The following MTRR variants were observed in gnomAD, a reference collection of about 807,000 sequenced individuals.
MTRR encodes 5-methyltetrahydrofolate-homocysteine methyltransferase reductase, also known as methionine synthase reductase.
Under a neutral mutation model 79.2 loss-of-function variants are expected in MTRR, and 63 were observed. The observed-to-expected ratio is 0.80, with a 90% CI of 0.65 to 0.98. MTRR has a LOEUF of 0.98. Ranked by LOEUF, MTRR falls within the 50% of genes least tolerant of loss-of-function variation. The pLI is 0.00. For missense variants in MTRR, 895 were observed against 839.6 expected (o/e 1.07, Z -0.82); for synonymous variants, 355 against 313.3 (o/e 1.13, Z -1.41).
intron 11 of MTRR, 68 bp downstream of exon 11, chr5:7,892,981 GT>G: frequency 6.7e-7 from 1 of 1,502,012 alleles, no homozygotes; most frequent in Non-Finnish European, 9.1e-7. Context: ...AAAAAACAGT[GT>G]TGTCTCACCC....
At chr5:7,889,794 A>C (rs1737241365) in intron 9 of MTRR, among the ~76,000 whole-genome samples, 1 of 152,206 alleles carries the variant, frequency 6.6e-6, no homozygotes, top group Non-Finnish European at 1.5e-5. Context: ...CTTCAAGAGC[A>C]AAAGGGGACT....
At chr5:7,854,382 G>A (rs1383976628) in intron 1 of MTRR, among the ~76,000 whole-genome samples, 1 of 151,630 alleles carries the variant, frequency 6.6e-6, no homozygotes, top group Non-Finnish European at 1.5e-5. Flanking sequence ...TTATATGGGA[G>A]TTTATTAAGG....
At chr5:7,898,926 A>G (rs745959857) in intron 14 of MTRR, among the ~76,000 whole-genome samples, 21 of 152,174 alleles carry the variant, frequency 1.4e-4, no homozygotes, top group Non-Finnish European at 2.8e-4. Context: ...AAGAGATTTA[A>G]TGGGCTCACG....
chr5:7,854,765 C>T (rs561335209), intron 1 of MTRR, among the ~76,000 whole-genome samples: 63 of 152,272 alleles, frequency 4.1e-4, no homozygotes, highest in Admixed American at 5.9e-4. Context: ...GTCCTACAAT[C>T]GGCCACCTGC....
At chr5:7,888,782 A>G (rs1429599840) in intron 8 of MTRR, among the ~76,000 whole-genome samples, 1 of 152,252 alleles carries the variant, frequency 6.6e-6, no homozygotes, top group Non-Finnish European at 1.5e-5. Flanking sequence ...CCTGTAATTA[A>G]TAACTTGTAA....
At chr5:7,859,490 T>G in intron 1 of MTRR, 2 of 1,607,318 alleles carry the variant, frequency 1.2e-6, no homozygotes, top group East Asian at 4.5e-5. Context: ...TTGTAAATAT[T>G]CCACCAATTC....
At chr5:7,899,872 A>T in intron 14 of MTRR, 42 bp from the exon 15 acceptor site, 8 of 1,613,214 alleles carry the variant, frequency 5.0e-6, no homozygotes, top group Non-Finnish European at 6.8e-6. Context: ...TTTACTAAAA[A>T]TGCCTGTTTG....
In MTRR at chr5:7,870,873, G is replaced by C. The variant is rs2126644968; in HGVS notation, c.79G>C (p.Val27Leu). Residue 27 changes from valine to leucine, a missense_variant, in exon 2 of 15, where the codon GTG becomes CTG. By Grantham distance (32) the Val-to-Leu change is conservative. Transcript: ENST00000440940. ...AIAEEICEQA[V>L]VHGFSADLHC... ...CGCAGAAGAAATATGTGAGCAAGCT[G>C]TGGTACATGGATTTTCTGCAGATCT... 1 of 1,614,178 alleles carries C rather than the reference G, an allele frequency of 6.2e-7. No homozygotes were observed.
chr5:7,880,959 G>A (rs1348768662), intron 5 of MTRR, among the ~76,000 whole-genome samples: 1 of 152,160 alleles, frequency 6.6e-6, no homozygotes. Context: ...GAGAAGGACT[G>A]CAGAAGCCAT....
upstream of MTRR, chr5:7,869,030 G>C (rs1357229679): frequency 7.2e-7 from 1 of 1,382,696 alleles, no homozygotes; most frequent in South Asian, 1.2e-5. Context: ...CCTGGGCGTC[G>C]TGGGCCTCCG....
In MTRR at chr5:7,891,097, A is replaced by G. The variant is rs56219526; in HGVS notation, c.1328-275A>G. Among the ~76,000 whole-genome samples, 27,698 of 152,012 alleles carry G rather than the reference A, an allele frequency of 0.18. 3,542 individuals are homozygous for G. Among genetic ancestry groups the G allele is most frequent in the African/African-American group, 0.33 (13,775 of 41,404 alleles). ...GAAGCCAACTTATGGACCCATTCCT[A>G]GAAGCCTTTGCTTTTAAAATTCGCC... On this transcript the variant is annotated intron_variant, in intron 9 of 14. Transcript: ENST00000440940.
rs796761493 is a variant in MTRR at position 7,885,611 on chromosome 5, A to G, written c.904-90A>G. The G allele has an allele frequency of 5.6e-5, 69 of 1,222,644 alleles. No homozygotes were observed. The African/African-American group carries it at 8.8e-4, about 16-fold the overall frequency. The allele number at this position is 1,222,644 out of a possible 1,614,324, so 75.7% of individuals were successfully genotyped here. A position where few individuals can be genotyped will look rare whatever the true frequency, so the allele number is the denominator to read the frequency against. On this transcript the variant is annotated intron_variant, in intron 6 of 14. Coordinates refer to ENST00000440940, the MANE Select transcript of MTRR (RefSeq NM_002454.3). ...TCTGAGTTCACATATTAAAATCATA[A>G]TATTGAAAACTATATTTTTGTTACC...
At chr5:7,868,907 T>C (rs991219392), upstream of MTRR, 11 of 607,348 alleles carry the variant, frequency 1.8e-5, no homozygotes, top group African/African-American at 1.6e-4. Flanking sequence ...CGGCGCAGCC[T>C]GAGGAGAAAG....
chr5:7,865,561 A>C (rs1043283785), upstream of MTRR, among the ~76,000 whole-genome samples: 1 of 152,230 alleles, frequency 6.6e-6, no homozygotes, highest in Non-Finnish European at 1.5e-5. Context: ...CCAGACATTC[A>C]CACTTTGATA....
In MTRR at chr5:7,889,433, A is replaced by G. The variant is rs162043; in HGVS notation, c.1327+158A>G. Among the ~76,000 whole-genome samples the G allele has an allele frequency of 0.024, 3,663 of 152,230 alleles. 75 individuals carry two copies. The highest frequency in any genetic ancestry group is 0.048 in the African/African-American group (1,996 of 41,536). ...GAATGGTGGTGATTGGTAAGTAAAC[A>G]TCTTATATCTTGTCTTCAGGGTGCT... On this transcript the variant is annotated intron_variant, in intron 9 of 14. Coordinates refer to ENST00000440940, the MANE Select transcript of MTRR (RefSeq NM_002454.3).
intron 5 of MTRR, 78 bp from the exon 6 acceptor site, chr5:7,883,077 G>T: frequency 6.3e-7 from 1 of 1,597,458 alleles, no homozygotes; most frequent in South Asian, 1.1e-5. Context: ...AAGCCCCTGT[G>T]GATCTTGCGT....
chr5:7,899,739 T>TAGGCAAAGGCCTGGCCTGGGCATGAGTG (rs1739169956), intron 14 of MTRR, among the ~76,000 whole-genome samples, 175 bp from the exon 15 acceptor site: 4 of 152,182 alleles, frequency 2.6e-5, no homozygotes, highest in Non-Finnish European at 5.9e-5. Context: ...ACAGTCACTG[T>TAGGCAAAGGCCTGGCCTGGGCATGAGTG]AGGCAAAGGC....
intron 1 of MTRR, chr5:7,861,326 A>T: frequency 1.0e-6 from 1 of 955,810 alleles, no homozygotes; most frequent in Non-Finnish European, 1.5e-6. Context: ...TTTATTATAT[A>T]TTTTAGTTGC....
Position 7,896,152 on chromosome 5 carries a change from T to C in MTRR, c.1676+300T>C, listed in dbSNP as rs561397557. Among the ~76,000 whole-genome samples the C allele has an allele frequency of 3.4e-3, 517 of 152,340 alleles. 8 individuals are homozygous for C. The highest frequency in any genetic ancestry group is 5.1e-3 in the Non-Finnish European group (348 of 68,030). On this transcript the variant is annotated intron_variant, in intron 12 of 14. Coordinates refer to ENST00000440940, the MANE Select transcript of MTRR (RefSeq NM_002454.3). The stretch of plus-strand genomic sequence containing the variant: ...GGCATACCTTCGTACTGTGATGATA[T>C]ACAGCTGTTGTATCTATCCCTTAAT...
Sources: allele counts gnomAD v4.1 joint callset (sites outside exome capture counted in the v4.1 genomes callset), GRCh38; gene constraint gnomAD v4.1.1; transcripts MANE v1.5; gene names NCBI Gene and HGNC (gene_info 2026-07-23, HGNC 2026-07-21).